The following ROBO2 variants were observed in gnomAD, a reference collection of about 807,000 sequenced individuals.
ROBO2 encodes the protein roundabout guidance receptor 2.
Under a neutral mutation model 160.8 loss-of-function variants are expected in ROBO2, and 53 were observed. The ratio of observed to expected loss-of-function variants is 0.33; its 90% CI spans 0.26 to 0.41. The LOEUF is 0.41. Among genes scored for constraint, ROBO2 ranks in the 10% least tolerant of loss-of-function variants. The probability of loss-of-function intolerance (pLI) is 1.00; values close to 1 mark genes in which losing one functional copy is unlikely to be tolerated. For missense variants in ROBO2, 1,577 were observed against 1,722.4 expected, an observed-to-expected ratio of 0.92 and a Z score of 1.49; for synonymous variants, 664 against 611.7, an observed-to-expected ratio of 1.09 and a Z score of -1.26.
At chr3:77,230,861 T>A (rs765725890) in intron 2 of ROBO2, among the ~76,000 whole-genome samples, 7 of 152,188 alleles carry the variant, frequency 4.6e-5, no homozygotes, top group Non-Finnish European at 8.8e-5. Context: ...TTTGCGATCT[T>A]TTTATGAAAA....
intron 2 of ROBO2, among the ~76,000 whole-genome samples, chr3:77,436,774 C>G (rs1316636963): frequency 6.6e-6 from 1 of 151,640 alleles, no homozygotes; most frequent in African/African-American, 2.4e-5. Flanking sequence ...TATCTAGATG[C>G]TATTTATGTT....
At chr3:77,256,435 A>C (rs1052070752) in intron 2 of ROBO2, among the ~76,000 whole-genome samples, 1 of 152,236 alleles carries the variant, frequency 6.6e-6, no homozygotes, top group Non-Finnish European at 1.5e-5. Flanking sequence ...CAATGAAGAT[A>C]ACATTAACAT....
chr3:77,496,186 T>G (rs1351612691), intron 5 of ROBO2, among the ~76,000 whole-genome samples: 1 of 152,328 alleles, frequency 6.6e-6, no homozygotes, highest in East Asian at 1.9e-4. Flanking sequence ...TAGTACTTTG[T>G]GTAACCAGTT....
At chr3:76,206,258 T>C (rs1702801728) in intron 2 of ROBO2, among the ~76,000 whole-genome samples, 1 of 152,128 alleles carries the variant, frequency 6.6e-6, no homozygotes, top group African/African-American at 2.4e-5. Flanking sequence ...GTCTGAGAGC[T>C]GTCCTCATTT....
At chr3:76,946,428 G>GT (rs1559745694) in intron 2 of ROBO2, among the ~76,000 whole-genome samples, 1 of 151,708 alleles carries the variant, frequency 6.6e-6, no homozygotes, top group Non-Finnish European at 1.5e-5. Context: ...GTTGTTGTTT[G>GT]TTTTTTGTTT....
chr3:76,579,787 A>T (rs1200818452), intron 2 of ROBO2, among the ~76,000 whole-genome samples: 1 of 1,772 alleles, frequency 5.6e-4, no homozygotes, highest in Non-Finnish European at 5.6e-3. Context: ...GTTGAGTTAC[A>T]AAAAAAAAAA....
At chr3:77,166,066 G>A (rs1263382329) in intron 2 of ROBO2, among the ~76,000 whole-genome samples, 2 of 151,818 alleles carry the variant, frequency 1.3e-5, no homozygotes, top group African/African-American at 2.4e-5. Context: ...ATCTCCAGCC[G>A]GATCAACATG....
chr3:76,055,820 G>A (rs773292730), intron 2 of ROBO2, among the ~76,000 whole-genome samples: 5 of 152,094 alleles, frequency 3.3e-5, no homozygotes, highest in East Asian at 1.9e-4. Flanking sequence ...GTGCAGTGGC[G>A]CGATCTCGGC....
chr3:75,924,727 G>C (rs1268695625), intron 1 of ROBO2, among the ~76,000 whole-genome samples: 6 of 106,240 alleles, frequency 5.6e-5, no homozygotes, highest in Admixed American at 3.1e-4. Context: ...CTTGCTCTGT[G>C]GCTCAGGCTG....
At chr3:77,435,311 C>A (rs976075867) in intron 2 of ROBO2, among the ~76,000 whole-genome samples, 5 of 151,782 alleles carry the variant, frequency 3.3e-5, no homozygotes, top group Non-Finnish European at 5.9e-5. Flanking sequence ...AGAAAAAACA[C>A]CTCCTTTTTG....
At chr3:76,224,921 G>T (rs1346796836) in intron 2 of ROBO2, among the ~76,000 whole-genome samples, 1 of 152,118 alleles carries the variant, frequency 6.6e-6, no homozygotes, top group Non-Finnish European at 1.5e-5. Context: ...TTAACTGTGA[G>T]CAATCTTTTT....
At chr3:76,779,904 A>C (rs374047643) in intron 2 of ROBO2, among the ~76,000 whole-genome samples, 4 of 151,094 alleles carry the variant, frequency 2.6e-5, no homozygotes, top group East Asian at 3.9e-4. Context: ...TTTCCTTTGA[A>C]TGTATATCTA....
intron 2 of ROBO2, among the ~76,000 whole-genome samples, chr3:77,460,901 T>C (rs2082171591): frequency 6.6e-6 from 1 of 152,190 alleles, no homozygotes; most frequent in Non-Finnish European, 1.5e-5. Context: ...TGATGTATTA[T>C]GAAATGAAGG....
chr3:77,116,088 C>G (rs1269929322), intron 2 of ROBO2, among the ~76,000 whole-genome samples: 1 of 152,196 alleles, frequency 6.6e-6, no homozygotes, highest in Non-Finnish European at 1.5e-5. Context: ...ACACAGAGAA[C>G]TTAATACCTG....
At chr3:76,796,264 T>C (rs1293836456) in intron 2 of ROBO2, among the ~76,000 whole-genome samples, 2 of 152,076 alleles carry the variant, frequency 1.3e-5, no homozygotes, top group Non-Finnish European at 2.9e-5. Context: ...AGTAGAAGGC[T>C]ACCTAATCTA....
intron 2 of ROBO2, among the ~76,000 whole-genome samples, chr3:76,570,397 AT>A (rs1455348315): frequency 1.3e-5 from 2 of 152,336 alleles, no homozygotes; most frequent in Admixed American, 1.3e-4. Context: ...ATTTAAGTAA[AT>A]TTACACATAA....
chr3:77,102,787 A>T (rs2072158438), intron 2 of ROBO2, among the ~76,000 whole-genome samples: 1 of 151,830 alleles, frequency 6.6e-6, no homozygotes, highest in Non-Finnish European at 1.5e-5. Flanking sequence ...GAGGGAAAAA[A>T]ATTCAGGACC....
At chr3:76,977,651 TCTGATAAGAGGAAAG>T (rs1177286122) in intron 2 of ROBO2, among the ~76,000 whole-genome samples, 1 of 152,124 alleles carries the variant, frequency 6.6e-6, no homozygotes, top group East Asian at 1.9e-4. Context: ...TTATTAAACT[TCTGATAAGAGGAAAG>T]CTATAACATT....
chr3:75,912,621 C>T (rs1946645762), intron 1 of ROBO2, among the ~76,000 whole-genome samples: 1 of 152,030 alleles, frequency 6.6e-6, no homozygotes, highest in African/African-American at 2.4e-5. Context: ...GAAGATTTTT[C>T]CATGAAAATA....
Sources: allele counts gnomAD v4.1 joint callset (sites outside exome capture counted in the v4.1 genomes callset), GRCh38; gene constraint gnomAD v4.1.1; transcripts MANE v1.5; gene names NCBI Gene and HGNC (gene_info 2026-07-23, HGNC 2026-07-21).